SRC: variants seen among roughly 807,000 people sequenced by gnomAD.
SRC encodes the protein SRC proto-oncogene, non-receptor tyrosine kinase.
A neutral mutation model predicts 62.9 loss-of-function variants in SRC; 13 were observed. That is an observed-to-expected ratio of 0.21 (90% CI 0.13 to 0.33). SRC has a LOEUF of 0.33. Ranked by LOEUF, SRC falls within the 10% of genes least tolerant of loss-of-function variation. SRC has a pLI of 1.00. For synonymous variants in SRC, 302 were observed against 317.5 expected, an observed-to-expected ratio of 0.95 and a Z score of 0.52; for missense variants, 457 against 737.3, an observed-to-expected ratio of 0.62 and a Z score of 4.40.
rs1414855829 is a variant in SRC at position 37,351,429 on chromosome 20, CTG to C, written c.-247+5177_-247+5178del. Among the ~76,000 whole-genome samples, 4 of 151,918 alleles carry C rather than the reference CTG, an allele frequency of 2.6e-5. No homozygotes were observed. Among genetic ancestry groups the C allele is most frequent in the Non-Finnish European group, 4.4e-5 (3 of 67,996 alleles). On this transcript the variant is annotated intron_variant, in intron 1 of 13. Coordinates refer to ENST00000373578, the MANE Select transcript of SRC (RefSeq NM_198291.3). This position sits in a 1 kb window ranked among gnomAD's most constrained non-coding sequence, Gnocchi z 4.4. ...GGTGCTCATGTAGGGGTGGGGATGT[CTG>C]TGGTGGGTGGGTGGTGATATTTGTG... is the stretch of plus-strand genomic sequence containing the variant.
chr20:37,358,795 C>T (rs117337455), intron 1 of SRC, among the ~76,000 whole-genome samples: 1,819 of 152,356 alleles, frequency 0.012, 14 homozygotes, highest in Middle Eastern at 0.048. Flanking sequence ...CTGCAGGCCC[C>T]GTCCCCAGTG....
At chr20:37,352,523 C>T (rs1434258037) in intron 1 of SRC, among the ~76,000 whole-genome samples, 1 of 152,220 alleles carries the variant, frequency 6.6e-6, no homozygotes, top group Non-Finnish European at 1.5e-5. Context: ...CCTTGCCTGC[C>T]TGTGACCTAG....
At position 37,403,565 on chromosome 20, in the gene SRC, C is replaced by T. The variant is rs551472553; in HGVS notation, c.*186C>T. 1.5e-5 allele frequency: 10 copies of T among 669,738 alleles called. No individual in the cohort carries two copies. The highest frequency in any genetic ancestry group is 5.4e-5 in the African/African-American group (3 of 55,288). 41.5% of individuals were successfully genotyped at this position (669,738 alleles called of 1,614,324 possible). ...CTGGACCTAGGGTGGCCTGAGAGGG[C>T]GGTGGGTATGCGAGACCAGCACGGT... On this transcript the variant is annotated 3_prime_UTR_variant, in exon 14 of 14. Coordinates refer to ENST00000373578, the MANE Select transcript of SRC (RefSeq NM_198291.3). This position sits in a 1 kb window ranked among gnomAD's most constrained non-coding sequence, Gnocchi z 7.1.
rs2147106466 is a variant in SRC, at chr20:37,397,517, G to T, written c.704-182G>T. ...ATGACTGACTCAGCAGATGCATAAA[G>T]CACTGTGGGCCTGTGTGGGGGTGGG... is the stretch of plus-strand genomic sequence containing the variant. On this transcript the variant is annotated intron_variant, in intron 8 of 13. Transcript: ENST00000373578. The surrounding 1 kb of genome is among the most constrained non-coding windows in gnomAD (Gnocchi z 4.1). Among the ~76,000 whole-genome samples the T allele has an allele frequency of 6.6e-6, 1 of 152,334 alleles. No individual in the cohort carries two copies. Among genetic ancestry groups the T allele is most frequent in the Admixed American group, 6.5e-5 (1 of 15,306 alleles).
chr20:37,396,401 C>A lies in SRC; in HGVS notation c.703+90C>A. Reference sequence around the variant, plus strand: ...GCCTTGGAGCCTAGAAGGGTGGGGACTTCTGTTATCCTGCTTCTCTCCCCA... The same window carrying A: ...GCCTTGGAGCCTAGAAGGGTGGGGAATTCTGTTATCCTGCTTCTCTCCCCA... On this transcript the variant is annotated intron_variant, in intron 8 of 13. Coordinates refer to ENST00000373578, the MANE Select transcript of SRC (RefSeq NM_198291.3). This position sits in a 1 kb window ranked among gnomAD's most constrained non-coding sequence, Gnocchi z 6.1. The A allele has an allele frequency of 6.7e-7, 1 of 1,496,000 alleles. No individual in the cohort carries two copies. Among genetic ancestry groups the A allele is most frequent in the Non-Finnish European group, 9.1e-7 (1 of 1,102,236 alleles). The allele number at this position is 1,496,000 out of a possible 1,614,324, so 92.7% of individuals were successfully genotyped here.
Position 37,361,123 on chromosome 20 carries a change from G to A in SRC, c.-246-4081G>A, listed in dbSNP as rs548018372. On this transcript the variant is annotated intron_variant, in intron 1 of 13. Coordinates refer to ENST00000373578, the MANE Select transcript of SRC (RefSeq NM_198291.3). ...TGGTGGGGCAGTGAAAGGGGAGGTG[G>A]GTGGTGGAGCTTAGGGGGGGAAGAA... Among the ~76,000 whole-genome samples, 13 of 152,162 alleles carry A rather than the reference G, an allele frequency of 8.5e-5. No individual in the cohort carries two copies. The South Asian group carries it at 2.7e-3, about 32-fold the overall frequency.
intron 2 of SRC, among the ~76,000 whole-genome samples, chr20:37,379,426 G>C (rs149020605): frequency 2.4e-4 from 37 of 152,194 alleles, no homozygotes; most frequent in Admixed American, 5.2e-4. Flanking sequence ...CCAGGGAGGA[G>C]GGTGGTCTCT....
chr20:37,367,293 T>A (rs2070079207), intron 2 of SRC, among the ~76,000 whole-genome samples: 1 of 151,406 alleles, frequency 6.6e-6, no homozygotes, highest in African/African-American at 2.4e-5. Flanking sequence ...TTGCCCAGGC[T>A]GGTCTCGAAC....
Position 37,401,618 on chromosome 20 carries a change from T to C in SRC, c.1056T>C (p.Phe352=), listed in dbSNP as rs2070738708. The C allele has an allele frequency of 6.2e-7, 1 of 1,610,800 alleles. No individual in the cohort carries two copies. The highest frequency in any genetic ancestry group is 1.3e-5 in the African/African-American group (1 of 74,670). ...TCTGCCCAGGGAGTTTGCTGGACTT[T>C]CTCAAGGGGGAGACAGGCAAGTACC... ...EYMSKGSLLD[F]LKGETGKYLR... The change falls in exon 11 of 14, where the codon TTT becomes TTC. Residue 352 remains phenylalanine (F), a synonymous_variant. Transcript: ENST00000373578.
intron 2 of SRC, among the ~76,000 whole-genome samples, chr20:37,367,095 ATTTT>A (rs770197409): frequency 4.0e-5 from 5 of 125,382 alleles, no homozygotes; most frequent in African/African-American, 5.8e-5. Context: ...TGTGGTTTTG[ATTTT>A]TTTTTTTTTT....
At chr20:37,382,161 A>G (rs1436185607) in intron 2 of SRC, among the ~76,000 whole-genome samples, 3 of 152,216 alleles carry the variant, frequency 2.0e-5, no homozygotes, top group African/African-American at 4.8e-5. Context: ...TGCCTCCCCA[A>G]AGAATAATCG....
chr20:37,355,486 C>T (rs2069868776), intron 1 of SRC, among the ~76,000 whole-genome samples: 1 of 152,144 alleles, frequency 6.6e-6, no homozygotes, highest in Non-Finnish European at 1.5e-5. Context: ...TGGGCTCTGC[C>T]CCTGGGTTCT....
Position 37,386,084 on chromosome 20 carries a change from C to A in SRC, c.260C>A (p.Thr87Asn). 1 of 1,614,130 alleles carries A rather than the reference C, an allele frequency of 6.2e-7. No homozygotes were observed. The highest frequency in any genetic ancestry group is 8.5e-7 in the Non-Finnish European group (1 of 1,179,962). ...QRAGPLAGGV[T>N]TFVALYDYES... ...CCACCCCTCTCTGCAGGTGGAGTGA[C>A]CACCTTTGTGGCCCTCTATGACTAT... is the stretch of plus-strand genomic sequence containing the variant. Residue 87 changes from threonine to asparagine, a missense_variant, in exon 5 of 14, where the codon ACC (threonine) becomes AAC (asparagine). Transcript: ENST00000373578.
chr20:37,350,946 G>A (rs998845206), intron 1 of SRC, among the ~76,000 whole-genome samples: 2 of 152,174 alleles, frequency 1.3e-5, no homozygotes, highest in African/African-American at 4.8e-5. Context: ...TTCACAGATC[G>A]GGGGGATTGA....
chr20:37,402,255 C>T lies in SRC; in HGVS notation c.1117-180C>T, dbSNP rs56273506. The stretch of plus-strand genomic sequence containing the variant: ...GCTCTGTGCCCTGTGCTCCCTACTC[C>T]CGCAGAGCACTGCTCCTGCTTTCGA... On this transcript the variant is annotated intron_variant, in intron 11 of 13. Transcript: ENST00000373578. The surrounding 1 kb of genome is among the most constrained non-coding windows in gnomAD (Gnocchi z 6.2). The T allele has an allele frequency of 0.12, 79,175 of 684,672 alleles. 5,530 individuals are homozygous for T. Among genetic ancestry groups the T allele is most frequent in the Middle Eastern group, 0.2 (497 of 2,430 alleles). 42.4% of individuals were successfully genotyped at this position (684,672 alleles called of 1,614,324 possible). A position where few individuals can be genotyped will look rare whatever the true frequency, so the allele number is the denominator to read the frequency against.
At chr20:37,381,046 C>A (rs908666077) in intron 2 of SRC, among the ~76,000 whole-genome samples, 2 of 151,978 alleles carry the variant, frequency 1.3e-5, no homozygotes, top group Admixed American at 6.6e-5. Flanking sequence ...AAAACTGAGG[C>A]GAAGGGCGGC....
intron 2 of SRC, among the ~76,000 whole-genome samples, chr20:37,373,046 A>T (rs557577555): frequency 2.0e-5 from 3 of 151,780 alleles, no homozygotes; most frequent in Admixed American, 2.0e-4. Flanking sequence ...ACATATACAC[A>T]TATATACATA....
rs759485897 is a variant in SRC, at chr20:37,384,294, C to T, written c.141C>T (p.His47=). The T allele has an allele frequency of 6.7e-7, 1 of 1,493,742 alleles. No homozygotes were observed. Among genetic ancestry groups the T allele is most frequent in the Admixed American group, 2.4e-5 (1 of 41,822 alleles). 92.5% of individuals were successfully genotyped at this position (1,493,742 alleles called of 1,614,324 possible). The change falls in exon 4 of 14, where the codon CAC becomes CAT. Residue 47 remains histidine, a synonymous_variant. Coordinates refer to ENST00000373578, the MANE Select transcript of SRC (RefSeq NM_198291.3). This position sits in a 1 kb window ranked among gnomAD's most constrained non-coding sequence, Gnocchi z 6.7. The part of the protein sequence containing the change: ...TPSKPASADG[H]RGPSAAFAPA... ...GCAAGCCAGCCTCGGCCGACGGCCA[C>T]CGCGGCCCCAGCGCGGCCTTCGCCC...
Position 37,384,150 on chromosome 20 carries a change from G to A in SRC, c.-4G>A. ...CAGTGTCTTCTCTCTCTCCTGCCAGGACCATGGGTAGCAACAAGAGCAAGC... is the reference window on the plus strand; with the variant it reads ...CAGTGTCTTCTCTCTCTCCTGCCAGAACCATGGGTAGCAACAAGAGCAAGC... On this transcript the variant is annotated splice_region_variant and 5_prime_UTR_variant, in exon 4 of 14. Coordinates refer to ENST00000373578, the MANE Select transcript of SRC (RefSeq NM_198291.3). This position sits in a 1 kb window ranked among gnomAD's most constrained non-coding sequence, Gnocchi z 6.7. 6.2e-7 allele frequency: 1 copy of A among 1,600,332 alleles called. No homozygotes were observed. The highest frequency in any genetic ancestry group is 1.1e-5 in the South Asian group (1 of 90,926).
Sources: gnomAD v4.1 joint callset for allele counts (sites outside exome capture counted in the v4.1 genomes callset) on GRCh38, gnomAD v4.1.1 for gene constraint, Gnocchi (gnomAD v3.1) non-coding constraint, MANE v1.5 for transcripts, NCBI Gene and HGNC (gene_info 2026-07-23, HGNC 2026-07-21) for gene names.